The following EGFLAM variants were observed in gnomAD, a reference collection of about 807,000 sequenced individuals.
EGFLAM encodes EGF like, fibronectin type III and laminin G domains.
Under a neutral mutation model 113.1 loss-of-function variants are expected in EGFLAM, and 79 were observed. The observed-to-expected ratio is 0.70, with a 90% CI of 0.58 to 0.84. EGFLAM has a LOEUF of 0.84. Ranked by LOEUF, EGFLAM falls within the 40% of genes least tolerant of loss-of-function variation. The probability of loss-of-function intolerance (pLI) is 0.00; values close to 1 mark genes in which losing one functional copy is unlikely to be tolerated. For synonymous variants in EGFLAM, 504 were observed against 487.6 expected (o/e 1.03, Z -0.44); for missense variants, 1,265 against 1,291.6 (o/e 0.98, Z 0.32).
intron 1 of EGFLAM, among the ~76,000 whole-genome samples, chr5:38,316,460 C>T (rs1738596537): frequency 6.6e-6 from 1 of 152,156 alleles, no homozygotes. Flanking sequence ...TCTCAGATTC[C>T]TCACTCCTAA....
chr5:38,448,458 A>G, intron 18 of EGFLAM, 79 bp downstream of exon 18: 1 of 1,411,666 alleles, frequency 7.1e-7, no homozygotes. Context: ...TTTTTCTTAT[A>G]TTTCATGCCA....
At chr5:38,368,872 AGG>A (rs1689318239) in intron 5 of EGFLAM, among the ~76,000 whole-genome samples, 1 of 152,068 alleles carries the variant, frequency 6.6e-6, no homozygotes, top group South Asian at 2.1e-4. Context: ...GAAAAAAAAA[AGG>A]TGGAGTGTTT....
chr5:38,405,235 T>G (rs965621733), intron 6 of EGFLAM, among the ~76,000 whole-genome samples: 1 of 152,154 alleles, frequency 6.6e-6, no homozygotes, highest in African/African-American at 2.4e-5. Flanking sequence ...TACCCAGCAC[T>G]TACCTTAAGA....
chr5:38,362,489 G>A (rs1265036215), intron 5 of EGFLAM, among the ~76,000 whole-genome samples: 1 of 151,318 alleles, frequency 6.6e-6, no homozygotes, highest in African/African-American at 2.5e-5. Flanking sequence ...AATTTTGGGA[G>A]GAAATGGGAA....
At chr5:38,271,057 A>G (rs561584785) in intron 1 of EGFLAM, among the ~76,000 whole-genome samples, 190 of 152,274 alleles carry the variant, frequency 1.2e-3, no homozygotes, top group Admixed American at 2.1e-3. Flanking sequence ...TGGTGTTTAT[A>G]TTAGTCATAA....
chr5:38,275,054 A>G (rs764499220), intron 1 of EGFLAM, among the ~76,000 whole-genome samples: 21 of 152,190 alleles, frequency 1.4e-4, no homozygotes, highest in Non-Finnish European at 2.9e-4. Context: ...GTTTTCTGTA[A>G]GACTCGTGGT....
intron 1 of EGFLAM, among the ~76,000 whole-genome samples, chr5:38,300,461 C>T (rs1009541146): frequency 6.6e-6 from 1 of 151,478 alleles, no homozygotes; most frequent in Non-Finnish European, 1.5e-5. Context: ...CTGCAACCTT[C>T]GCCTTCTGGG....
In EGFLAM at chr5:38,406,235, T is replaced by A. The variant is rs756205544; in HGVS notation, c.822T>A (p.Phe274Leu). 1.2e-6 allele frequency: 2 copies of A among 1,613,894 alleles called. No individual in the cohort carries two copies. The highest frequency in any genetic ancestry group is 2.2e-5 in the South Asian group (2 of 91,058). Reference sequence around the variant, plus strand: ...ACGACTTAGATTTGGATATTTCCTTTGAGGAGGTAACAATAATCTCTGCTC... The same window carrying A: ...ACGACTTAGATTTGGATATTTCCTTAGAGGAGGTAACAATAATCTCTGCTC... ...FEDDLDLDIS[F>L]EEVKPLPATK... Residue 274 changes from phenylalanine (F) to leucine (L), a missense_variant, in exon 7 of 22, where the codon TTT becomes TTA. Phe to Leu is a conservative substitution (Grantham distance 22). Coordinates refer to ENST00000322350, the MANE Select transcript of EGFLAM (RefSeq NM_152403.4).
chr5:38,423,974 C>T (rs1741918928), intron 12 of EGFLAM, among the ~76,000 whole-genome samples: 1 of 152,198 alleles, frequency 6.6e-6, no homozygotes, highest in Non-Finnish European at 1.5e-5. Flanking sequence ...CTCCTGCCCT[C>T]ACAGGGTGGG....
rs141085319 is a variant in EGFLAM, at chr5:38,357,668, G to T, written c.545+5337G>T. On this transcript the variant is annotated intron_variant, in intron 5 of 21. Transcript: ENST00000322350. ...CCAAGGCTAGGAAATTGTAGAAATT[G>T]GTTTATCCCCAGAAGTGATCCTCAG... Among the ~76,000 whole-genome samples, 987 of 152,192 alleles carry T rather than the reference G, an allele frequency of 6.5e-3. 10 individuals carry two copies. Among genetic ancestry groups the T allele is most frequent in the African/African-American group, 0.022 (926 of 41,516 alleles).
intron 1 of EGFLAM, among the ~76,000 whole-genome samples, chr5:38,260,637 T>G (rs1425611970): frequency 6.6e-6 from 1 of 152,200 alleles, no homozygotes; most frequent in Non-Finnish European, 1.5e-5. Context: ...TTACATCAAA[T>G]TTGAGATAGA....
chr5:38,273,738 A>G (rs1266477720), intron 1 of EGFLAM, among the ~76,000 whole-genome samples: 8 of 152,216 alleles, frequency 5.3e-5, no homozygotes, highest in African/African-American at 9.6e-5. Flanking sequence ...ACATTCCTAG[A>G]CAGAGCTAGA....
At chr5:38,321,258 A>G (rs1738732724) in intron 1 of EGFLAM, among the ~76,000 whole-genome samples, 1 of 152,136 alleles carries the variant, frequency 6.6e-6, no homozygotes, top group Non-Finnish European at 1.5e-5. Flanking sequence ...CACAGTTCAC[A>G]ATAGGGTTCG....
At chr5:38,445,543 G>A (rs1279262805) in intron 17 of EGFLAM, 1 of 1,581,742 alleles carries the variant, frequency 6.3e-7, no homozygotes, top group Non-Finnish European at 8.6e-7. Context: ...CTAAGAGGAC[G>A]TTCTGGACTC....
chr5:38,313,342 C>A (rs1738506163), intron 1 of EGFLAM, among the ~76,000 whole-genome samples: 1 of 152,118 alleles, frequency 6.6e-6, no homozygotes. Flanking sequence ...ATCTTAAATT[C>A]TTGGCAAGCA....
chr5:38,435,806 CTTTTTTTTTTTTTTTTT>C (rs60461690), intron 16 of EGFLAM, among the ~76,000 whole-genome samples: 1 of 88,916 alleles, frequency 1.1e-5, no homozygotes, highest in Non-Finnish European at 2.1e-5. Flanking sequence ...CCGGCTCTCT[CTTTTTTTTTTTTTTTTT>C]TTTTTTTTTT....
rs567606224 is a variant in EGFLAM at position 38,287,460 on chromosome 5, C to T, written c.97+28609C>T. Among the ~76,000 whole-genome samples the T allele has an allele frequency of 3.3e-5, 5 of 152,300 alleles. No individual in the cohort carries two copies. In the South Asian group the frequency reaches 1.0e-3, roughly 32 times the overall value. On this transcript the variant is annotated intron_variant, in intron 1 of 21. Coordinates refer to ENST00000322350, the MANE Select transcript of EGFLAM (RefSeq NM_152403.4). Reference sequence around the variant, plus strand: ...AATCTTGGCTCACTGCAACCTCTGCCTCCTGGACTCAAGCAGTCCTTCTGC... The same window carrying T: ...AATCTTGGCTCACTGCAACCTCTGCTTCCTGGACTCAAGCAGTCCTTCTGC...
chr5:38,397,554 A>G (rs1740993626), intron 6 of EGFLAM, among the ~76,000 whole-genome samples: 1 of 152,110 alleles, frequency 6.6e-6, no homozygotes, highest in Non-Finnish European at 1.5e-5. Flanking sequence ...CAACTTCCCA[A>G]AGTGCTGGGA....
rs2112218317 is a variant in EGFLAM at position 38,435,268 on chromosome 5, T to C, written c.2283+15T>C. 6.3e-7 allele frequency: 1 copy of C among 1,594,600 alleles called. No homozygotes were observed. Among genetic ancestry groups the C allele is most frequent in the Non-Finnish European group, 8.6e-7 (1 of 1,162,366 alleles). On this transcript the variant is annotated intron_variant, in intron 16 of 21. Transcript: ENST00000322350. ...GCATCCAGAAGGTACAGGCATCTCTTCCTCATGTTTACTGGGCCACCCAGA... is the reference window on the plus strand; with the variant it reads ...GCATCCAGAAGGTACAGGCATCTCTCCCTCATGTTTACTGGGCCACCCAGA...
Sources: allele counts gnomAD v4.1 joint callset (sites outside exome capture counted in the v4.1 genomes callset), GRCh38; gene constraint gnomAD v4.1.1; transcripts MANE v1.5; gene names NCBI Gene and HGNC (gene_info 2026-07-23, HGNC 2026-07-21).